The following SAMD3 variants were observed in gnomAD, a reference collection of about 807,000 sequenced individuals.
SAMD3 encodes sterile alpha motif domain-containing protein 3.
In SAMD3, 63 loss-of-function variants were observed where a neutral mutation model predicts 58.5. The observed-to-expected ratio is 1.08, with a 90% confidence interval of 0.88 to 1.33. The LOEUF (loss-of-function observed/expected upper bound fraction) is 1.33, where lower values mean the gene tolerates loss of function less well. SAMD3 is among the 40% of genes most tolerant of loss of function. SAMD3 has a pLI of 0.00. For synonymous variants in SAMD3, 220 were observed against 210.3 expected (o/e 1.05, Z -0.40); for missense variants, 604 against 608.4 (o/e 0.99, Z 0.08).
chr6:130,320,361 T>C (rs566015101), intron 1 of SAMD3, among the ~76,000 whole-genome samples: 15 of 152,280 alleles, frequency 9.9e-5, no homozygotes, highest in African/African-American at 3.4e-4. Context: ...AATGTCACTA[T>C]GCACGTATTA....
chr6:130,226,931 AT>A (rs1347150300), upstream of SAMD3, among the ~76,000 whole-genome samples: 1 of 152,180 alleles, frequency 6.6e-6, no homozygotes, highest in Admixed American at 6.5e-5. Context: ...GTAATCTGAT[AT>A]TTTTTACATT....
intron 2 of SAMD3, among the ~76,000 whole-genome samples, chr6:130,291,850 A>G (rs1159493395): frequency 6.6e-6 from 1 of 152,066 alleles, no homozygotes; most frequent in Non-Finnish European, 1.5e-5. Flanking sequence ...TAATTTCCCA[A>G]TTTCGTTAGA....
chr6:130,177,586 C>T (rs1401074053), intron 7 of SAMD3, among the ~76,000 whole-genome samples: 1 of 152,152 alleles, frequency 6.6e-6, no homozygotes, highest in Non-Finnish European at 1.5e-5. Flanking sequence ...TGGAAGTGTC[C>T]TCTGGCTTCT....
intron 1 of SAMD3, among the ~76,000 whole-genome samples, chr6:130,326,256 T>A (rs1776755323): frequency 6.6e-6 from 1 of 152,146 alleles, no homozygotes; most frequent in Admixed American, 6.6e-5. Context: ...TCTTGTCCTA[T>A]GTTGTATGCT....
chr6:130,158,727 CA>C (rs1330169450), intron 8 of SAMD3, among the ~76,000 whole-genome samples: 9 of 152,188 alleles, frequency 5.9e-5, no homozygotes, highest in Admixed American at 3.3e-4. Flanking sequence ...TTTATTGAAA[CA>C]AAAGTATACT....
intron 1 of SAMD3, among the ~76,000 whole-genome samples, chr6:130,358,796 C>T (rs1245967189): frequency 1.3e-5 from 2 of 151,664 alleles, no homozygotes; most frequent in African/African-American, 2.4e-5. Flanking sequence ...ATACAAGATT[C>T]TACAAGTTAT....
At chr6:130,308,390 A>ATTCTATTCTATTCTATTCT (rs1554273457) in intron 2 of SAMD3, among the ~76,000 whole-genome samples, 146 of 144,400 alleles carry the variant, frequency 1.0e-3, no homozygotes, top group African/African-American at 2.0e-3. Context: ...ATTCTATTCT[A>ATTCTATTCTATTCTATTCT]TTCTATTCTA....
At chr6:130,209,453 A>G in intron 5 of SAMD3, 42 bp downstream of exon 5, 1 of 1,025,546 alleles carries the variant, frequency 9.8e-7, no homozygotes, top group Non-Finnish European at 1.5e-6. Flanking sequence ...ATAGAGAAGA[A>G]TGTTATTTGG....
intron 2 of SAMD3, among the ~76,000 whole-genome samples, chr6:130,283,155 C>T (rs891668627): frequency 6.6e-6 from 1 of 152,066 alleles, no homozygotes; most frequent in South Asian, 2.1e-4. Context: ...AAGTAATATA[C>T]AACTAAAGGA....
chr6:130,339,418 G>A (rs1428716297), intron 1 of SAMD3, among the ~76,000 whole-genome samples: 1 of 152,130 alleles, frequency 6.6e-6, no homozygotes, highest in African/African-American at 2.4e-5. Context: ...AGAGATGATT[G>A]GATCATAGGG....
At chr6:130,258,047 A>C (rs960780442) in intron 2 of SAMD3, among the ~76,000 whole-genome samples, 1 of 151,844 alleles carries the variant, frequency 6.6e-6, no homozygotes, top group Non-Finnish European at 1.5e-5. Flanking sequence ...TTTTCTTTTT[A>C]ATTATTGTGA....
chr6:130,286,440 C>A (rs1199851508), intron 2 of SAMD3, among the ~76,000 whole-genome samples: 1 of 152,214 alleles, frequency 6.6e-6, no homozygotes, highest in Non-Finnish European at 1.5e-5. Context: ...AAGGTTACGG[C>A]ACAGTTCCTT....
At chr6:130,277,388 G>A (rs970277040) in intron 2 of SAMD3, among the ~76,000 whole-genome samples, 1 of 152,234 alleles carries the variant, frequency 6.6e-6, no homozygotes, top group African/African-American at 2.4e-5. Flanking sequence ...AAGGCTAGAA[G>A]CAAGATGGAG....
intron 2 of SAMD3, among the ~76,000 whole-genome samples, chr6:130,294,767 G>C (rs947148081): frequency 6.6e-6 from 1 of 151,708 alleles, no homozygotes; most frequent in African/African-American, 2.4e-5. Context: ...TCCAGGGTCA[G>C]TTTGCCCTTC....
chr6:130,289,918 T>A (rs961772005), intron 2 of SAMD3, among the ~76,000 whole-genome samples: 5 of 152,220 alleles, frequency 3.3e-5, no homozygotes, highest in South Asian at 2.1e-4. Flanking sequence ...TACTGGCAGA[T>A]CTCGTAATCT....
chr6:130,277,723 C>A (rs973061767), intron 2 of SAMD3, among the ~76,000 whole-genome samples: 10 of 152,104 alleles, frequency 6.6e-5, no homozygotes, highest in Non-Finnish European at 5.9e-5. Flanking sequence ...TGGTAACAAG[C>A]AATCCTCTAA....
chr6:130,300,584 C>G (rs1326127267), intron 2 of SAMD3, among the ~76,000 whole-genome samples: 1 of 152,174 alleles, frequency 6.6e-6, no homozygotes, highest in African/African-American at 2.4e-5. Flanking sequence ...TGGATGCCCA[C>G]TTGTACCACT....
intron 1 of SAMD3, among the ~76,000 whole-genome samples, chr6:130,337,641 G>C (rs984816133): frequency 3.3e-5 from 5 of 152,222 alleles, no homozygotes; most frequent in Non-Finnish European, 7.3e-5. Context: ...ACATGGTTTT[G>C]ACCAAAATGC....
At chr6:130,353,678 A>G (rs77922820) in intron 1 of SAMD3, among the ~76,000 whole-genome samples, 3 of 152,136 alleles carry the variant, frequency 2.0e-5, no homozygotes, top group Non-Finnish European at 4.4e-5. Flanking sequence ...TCTCAAATAC[A>G]CTATTTTAGG....
Sources: gnomAD v4.1 joint callset for allele counts (sites outside exome capture counted in the v4.1 genomes callset) on GRCh38, gnomAD v4.1.1 for gene constraint, MANE v1.5 for transcripts, NCBI Gene and HGNC (gene_info 2026-07-23, HGNC 2026-07-21) for gene names.